Variants in H1-8 observed in about 807,000 individuals in gnomAD.
H1-8 encodes H1.8 linker histone.
H1-8 carries 13 observed loss-of-function variants against 19.5 expected under a neutral mutation model. That is an observed-to-expected ratio of 0.67 (90% CI 0.43 to 1.06). The LOEUF (loss-of-function observed/expected upper bound fraction) is 1.06. H1-8 is among the 50% of genes least tolerant of loss of function. The probability of loss-of-function intolerance (pLI) is 0.00; values close to 1 mark genes in which losing one functional copy is unlikely to be tolerated. For synonymous variants in H1-8, 193 were observed against 187.6 expected, an observed-to-expected ratio of 1.03 and a Z score of -0.24; for missense variants, 432 against 459.8, an observed-to-expected ratio of 0.94 and a Z score of 0.55.
intron 3 of H1-8, 60 bp downstream of exon 3, chr3:129,549,424 G>C: frequency 2.7e-6 from 4 of 1,509,048 alleles, no homozygotes; most frequent in Non-Finnish European, 3.5e-6. Context: ...CCACTGGAGC[G>C]GGGGCGGGGA....
chr3:129,546,651 G>A (rs2084891115), intron 1 of H1-8, among the ~76,000 whole-genome samples: 1 of 152,060 alleles, frequency 6.6e-6, no homozygotes, highest in South Asian at 2.1e-4. Context: ...TTTTCCAGTT[G>A]GATTGTTCAA....
At chr3:129,547,297 C>T in intron 1 of H1-8, 94 bp from the exon 2 acceptor site, 4 of 1,314,734 alleles carry the variant, frequency 3.0e-6, no homozygotes, top group Non-Finnish European at 4.1e-6. Context: ...GCATCTGATC[C>T]TTGCTGGACC....
rs201606180 is a variant in H1-8, at chr3:129,545,705, G to T, written c.89-1686G>T. Among the ~76,000 whole-genome samples the T allele has an allele frequency of 5.3e-5, 8 of 152,264 alleles. No individual in the cohort carries two copies. The East Asian group carries it at 1.5e-3, about 29-fold the overall frequency. ...AGACAGTATGTGGCTTTTTCTGACTGCCTTTTTTCACTTTGCATGTTTCAG... is the reference window on the plus strand; with the variant it reads ...AGACAGTATGTGGCTTTTTCTGACTTCCTTTTTTCACTTTGCATGTTTCAG... On this transcript the variant is annotated intron_variant, in intron 1 of 4. Transcript: ENST00000324382.
intron 2 of H1-8, chr3:129,548,192 G>A (rs907284184): frequency 1.3e-5 from 4 of 311,226 alleles, no homozygotes; most frequent in South Asian, 1.3e-4. Flanking sequence ...CCAGACCCAC[G>A]GCCTGACTTG....
intron 1 of H1-8, among the ~76,000 whole-genome samples, chr3:129,544,160 A>G (rs1191464213): frequency 6.6e-6 from 1 of 152,172 alleles, no homozygotes; most frequent in Non-Finnish European, 1.5e-5. Flanking sequence ...GCTAAGGCCC[A>G]GAGGCCAGCG....
Position 129,547,488 on chromosome 3 carries a change from G to A in H1-8, c.186G>A (p.Ala62=), listed in dbSNP as rs189831933. The part of the protein sequence containing the change: ...HPPVLRMVLE[A]LQAGEQRRGT... ...CGGTGCTACGCATGGTGCTGGAGGC[G>A]CTGCAGGCTGGGGAGCAGCGCCGGG... The change falls in exon 2 of 5, where the codon GCG becomes GCA. Residue 62 remains alanine, a synonymous_variant. Coordinates refer to ENST00000324382, the MANE Select transcript of H1-8 (RefSeq NM_153833.3). 2.0e-5 allele frequency: 31 copies of A among 1,558,450 alleles called. No homozygotes were observed. Among genetic ancestry groups the A allele is most frequent in the African/African-American group, 8.2e-5 (6 of 73,600 alleles).
chr3:129,545,394 C>T (rs1165646573), intron 1 of H1-8, among the ~76,000 whole-genome samples: 2 of 152,314 alleles, frequency 1.3e-5, no homozygotes, highest in South Asian at 4.1e-4. Context: ...ACTTCTCATG[C>T]TTCCCCCACC....
In H1-8 at chr3:129,550,923, T is replaced by C. The variant is rs2108756673; in HGVS notation, c.807+114T>C. On this transcript the variant is annotated intron_variant, in intron 4 of 4. Transcript: ENST00000324382. ...ATCCAGGGATGGGGCTCAATTTCTT[T>C]TCCTACAAAGCACAGTCCACCACCT... is the stretch of plus-strand genomic sequence containing the variant. 2.8e-6 allele frequency: 3 copies of C among 1,076,886 alleles called. No homozygotes were observed. In the East Asian group the frequency reaches 7.8e-5, roughly 28 times the overall value. 66.7% of individuals were successfully genotyped at this position (1,076,886 alleles called of 1,614,324 possible).
At position 129,551,103 on chromosome 3, in the gene H1-8, A is replaced by G; in HGVS notation, c.808-4A>G. 1 of 1,610,114 alleles carries G rather than the reference A, an allele frequency of 6.2e-7. No individual in the cohort carries two copies. The highest frequency in any genetic ancestry group is 8.5e-7 in the Non-Finnish European group (1 of 1,178,346). ...CTCTTTGCTCCTGGTTTGCTTTCGT[A>G]TAGGTCAAGAATGGTGCTGCTTCCC... On this transcript the variant is annotated splice_region_variant and splice_polypyrimidine_tract_variant and intron_variant, in intron 4 of 4. Transcript: ENST00000324382.
Position 129,550,787 on chromosome 3 carries a change from G to T in H1-8, c.785G>T (p.Ser262Ile). 6.2e-7 allele frequency: 1 copy of T among 1,613,970 alleles called. No homozygotes were observed. Among genetic ancestry groups the T allele is most frequent in the East Asian group, 2.2e-5 (1 of 44,870 alleles). The change falls in exon 4 of 5, where the codon AGT becomes ATT. Residue 262 changes from serine (S) to isoleucine (I), a missense_variant. Coordinates refer to ENST00000324382, the MANE Select transcript of H1-8 (RefSeq NM_153833.3). ...AYRKTKAESK[S>I]SKPTASKVKN... ...AGGAAAACCAAAGCTGAGAGTAAGA[G>T]TTCAAAACCCACGGCCAGCAAGGTA... is the stretch of plus-strand genomic sequence containing the variant.
At position 129,549,090 on chromosome 3, in the gene H1-8, C is replaced by G. The variant is rs374554569; in HGVS notation, c.468C>G (p.Gly156=). The change falls in exon 3 of 5, where the codon GGC becomes GGG. Residue 156 remains glycine, a synonymous_variant. Transcript: ENST00000324382. ...PRRAGEAKGK[G]PKKPSEAKED... is the part of the protein sequence containing the mutation. ...GAGCGGGTGAGGCCAAGGGGAAGGG[C>G]CCCAAGAAACCAAGTGAGGCCAAGG... 7 of 1,607,022 alleles carry G rather than the reference C, an allele frequency of 4.4e-6. No homozygotes were observed. Among genetic ancestry groups the G allele is most frequent in the African/African-American group, 1.3e-5 (1 of 74,728 alleles).
At chr3:129,547,939 T>C (rs967546495) in intron 2 of H1-8, among the ~76,000 whole-genome samples, 2 of 152,212 alleles carry the variant, frequency 1.3e-5, no homozygotes, top group Non-Finnish European at 2.9e-5. Context: ...GTGTCAGCTG[T>C]GCTAACTTCT....
In H1-8 at chr3:129,543,251, A is replaced by G. The variant is rs1159063319; in HGVS notation, c.33A>G (p.Ser11=). 5 of 1,612,548 alleles carry G rather than the reference A, an allele frequency of 3.1e-6. No individual in the cohort carries two copies. Among genetic ancestry groups the G allele is most frequent in the Non-Finnish European group, 4.2e-6 (5 of 1,179,444 alleles). The change falls in exon 1 of 5, where the codon TCA becomes TCG. Residue 11 remains serine, a synonymous_variant. Coordinates refer to ENST00000324382, the MANE Select transcript of H1-8 (RefSeq NM_153833.3). ...CTGGGAGCGTCACCAGCGACATCTC[A>G]CCCTCCTCGACTTCCACAGCAGGAT... is the stretch of plus-strand genomic sequence containing the variant. MAPGSVTSDI[S]PSSTSTAGSS... is the part of the protein sequence containing the mutation.
rs546342548 is a variant in H1-8, at chr3:129,543,657, T to A, written c.88+351T>A. Among the ~76,000 whole-genome samples the A allele has an allele frequency of 2.0e-5, 3 of 152,288 alleles. No individual in the cohort carries two copies. The East Asian group carries it at 5.8e-4, about 29-fold the overall frequency. On this transcript the variant is annotated intron_variant, in intron 1 of 4. Transcript: ENST00000324382. ...GCTGTGGGCAGCTAGTTGGAGGGAC[T>A]GGGGCAGGAGCATTTTATGCAGGGC... is the stretch of plus-strand genomic sequence containing the variant.
Position 129,548,984 on chromosome 3 carries a change from C to G in H1-8, c.379-17C>G. On this transcript the variant is annotated splice_polypyrimidine_tract_variant and intron_variant, in intron 2 of 4. Coordinates refer to ENST00000324382, the MANE Select transcript of H1-8 (RefSeq NM_153833.3). ...CCTGAGGCTCTGCTTTCAGCCCCAC[C>G]CCGTGTCCTTCTCCAGTTAGTTCCC... 1.3e-6 allele frequency: 2 copies of G among 1,589,194 alleles called. No individual in the cohort carries two copies. The highest frequency in any genetic ancestry group is 1.2e-5 in the South Asian group (1 of 86,704).
At position 129,549,098 on chromosome 3, in the gene H1-8, A is replaced by G; in HGVS notation, c.476A>G (p.Lys159Arg). 1 of 1,605,348 alleles carries G rather than the reference A, an allele frequency of 6.2e-7. No individual in the cohort carries two copies. Among genetic ancestry groups the G allele is most frequent in the Non-Finnish European group, 8.5e-7 (1 of 1,175,314 alleles). Residue 159 changes from lysine to arginine, a missense_variant, in exon 3 of 5, where the codon AAA becomes AGA. Physicochemically the swap from Lys to Arg is conservative, Grantham distance 26. Transcript: ENST00000324382. ...GAGGCCAAGGGGAAGGGCCCCAAGAAACCAAGTGAGGCCAAGGAGGACCCT... is the reference window on the plus strand; with the variant it reads ...GAGGCCAAGGGGAAGGGCCCCAAGAGACCAAGTGAGGCCAAGGAGGACCCT... ...AGEAKGKGPKKPSEAKEDPPN... is the reference protein window; with the variant it reads ...AGEAKGKGPKRPSEAKEDPPN...
At chr3:129,550,886 C>A (rs1578292858) in intron 4 of H1-8, 77 bp downstream of exon 4, 1 of 1,325,884 alleles carries the variant, frequency 7.5e-7, no homozygotes, top group East Asian at 2.5e-5. Flanking sequence ...ACACTCAGCC[C>A]CCGGAAGGGT....
At chr3:129,550,864 C>T (rs1432154234) in intron 4 of H1-8, 55 bp downstream of exon 4, 5 of 1,476,266 alleles carry the variant, frequency 3.4e-6, no homozygotes, top group Non-Finnish European at 4.7e-6. Context: ...CAGGCCAGAG[C>T]TTGGGCATCC....
intron 1 of H1-8, among the ~76,000 whole-genome samples, chr3:129,546,116 C>CAATAAT (rs1553782831): frequency 2.7e-5 from 3 of 112,194 alleles, no homozygotes; most frequent in Admixed American, 9.3e-5. Flanking sequence ...TGTCAAATAA[C>CAATAAT]AATAACAATA....
Sources: gnomAD v4.1 joint callset for allele counts (sites outside exome capture counted in the v4.1 genomes callset) on GRCh38, gnomAD v4.1.1 for gene constraint, MANE v1.5 for transcripts, NCBI Gene and HGNC (gene_info 2026-07-23, HGNC 2026-07-21) for gene names.